The following DYSF variants were observed in gnomAD, a reference collection of about 807,000 sequenced individuals.
The protein encoded by DYSF is dysferlin.
Under a neutral mutation model 274.9 loss-of-function variants are expected in DYSF, and 212 were observed. That is an observed-to-expected ratio of 0.77 (90% CI 0.69 to 0.86). DYSF has a LOEUF of 0.86. DYSF is among the 40% of genes least tolerant of loss of function. The pLI, the probability that DYSF is intolerant of heterozygous loss-of-function variation, is 0.00. For synonymous variants in DYSF, 1,091 were observed against 1,078.7 expected (o/e 1.01, Z -0.22); for missense variants, 2,666 against 2,783.2 (o/e 0.96, Z 0.95).
upstream of DYSF, among the ~76,000 whole-genome samples, chr2:71,465,778 G>C (rs530343454): frequency 6.6e-6 from 1 of 152,302 alleles, no homozygotes; most frequent in South Asian, 2.1e-4. Context: ...GGAGTGCTGG[G>C]GGATAGAAGT....
intron 52 of DYSF, 151 bp from the exon 53 acceptor site, chr2:71,678,906 A>C: frequency 1.4e-6 from 1 of 705,884 alleles, no homozygotes; most frequent in East Asian, 2.7e-5. Context: ...AGGGAGGTGG[A>C]GAGTTCGTGA....
In DYSF at chr2:71,567,956, G is replaced by A. The variant is rs200494473; in HGVS notation, c.2571G>A (p.Pro857=). ...GKLQTIFLKY[P]MEKVPGARMP... ...TGTCCTTCTCTGGTACCCAGTATCCGATGGAGAAGGTGCCTGGCGCCCGGA... is the reference window on the plus strand; with the variant it reads ...TGTCCTTCTCTGGTACCCAGTATCCAATGGAGAAGGTGCCTGGCGCCCGGA... The change falls in exon 25 of 56, where the codon CCG becomes CCA. Residue 857 remains proline, a synonymous_variant. Transcript: ENST00000410020. The A allele has an allele frequency of 1.2e-5, 19 of 1,613,994 alleles. No homozygotes were observed. Among genetic ancestry groups the A allele is most frequent in the African/African-American group, 2.7e-5 (2 of 74,900 alleles).
chr2:71,679,068 C>CTCGA lies in DYSF; in HGVS notation c.5899_5902dup (p.Leu1968ArgfsTer22), dbSNP rs757624364. ...CCTCTCTGTTGCAGGCTCCCTGCAGCTCGATCTCAACCGCATGCCCAAGCC... is the reference window on the plus strand; with the variant it reads ...CCTCTCTGTTGCAGGCTCCCTGCAGCTCGATCGATCTCAACCGCATGCCCAAGCC... On this transcript the variant is annotated frameshift_variant, in exon 53 of 56. Coordinates refer to ENST00000410020, the MANE Select transcript of DYSF (RefSeq NM_001130987.2). LOFTEE classifies it high-confidence loss of function. 1 of 1,613,986 alleles carries CTCGA rather than the reference C, an allele frequency of 6.2e-7. No individual in the cohort carries two copies. The highest frequency in any genetic ancestry group is 2.2e-5 in the East Asian group (1 of 44,874).
chr2:71,478,582 A>G (rs1162416838), intron 1 of DYSF, among the ~76,000 whole-genome samples: 1 of 152,088 alleles, frequency 6.6e-6, no homozygotes, highest in African/African-American at 2.4e-5. Flanking sequence ...CCAAAGAATC[A>G]CAGGAAATAA....
At chr2:71,674,140 A>T (rs1558799647) in intron 51 of DYSF, 57 bp from the exon 52 acceptor site, 10 of 1,532,192 alleles carry the variant, frequency 6.5e-6, no homozygotes, top group Non-Finnish European at 9.0e-6. Flanking sequence ...GGAAGGGAAC[A>T]CTGCCTCTCT....
At chr2:71,666,596 G>T (rs1385377762) in intron 47 of DYSF, among the ~76,000 whole-genome samples, 1 of 152,232 alleles carries the variant, frequency 6.6e-6, no homozygotes, top group Non-Finnish European at 1.5e-5. Flanking sequence ...GGTTGGCCAG[G>T]CTTCTCTGGG....
intron 30 of DYSF, among the ~76,000 whole-genome samples, chr2:71,589,292 A>C (rs1019978757): frequency 8.5e-5 from 13 of 152,104 alleles, no homozygotes; most frequent in African/African-American, 3.1e-4. Context: ...TCCCCTGGAG[A>C]GCCCCTTCGG....
chr2:71,460,070 C>T (rs765376266), intron 1 of DYSF, among the ~76,000 whole-genome samples: 2 of 152,174 alleles, frequency 1.3e-5, no homozygotes, highest in Non-Finnish European at 2.9e-5. Flanking sequence ...TATTTGTAAA[C>T]AAGCCCTAAC....
At chr2:71,502,537 G>C (rs2085083325) in intron 3 of DYSF, among the ~76,000 whole-genome samples, 1 of 152,114 alleles carries the variant, frequency 6.6e-6, no homozygotes, top group Non-Finnish European at 1.5e-5. Context: ...AGCTTCCTCT[G>C]CTCTCTTTGA....
intron 41 of DYSF, among the ~76,000 whole-genome samples, chr2:71,641,006 T>TTTCTAGGAATGA (rs1191815795): frequency 6.6e-6 from 1 of 152,158 alleles, no homozygotes; most frequent in Non-Finnish European, 1.5e-5. Flanking sequence ...GCAATTTTTA[T>TTTCTAGGAATGA]TTTCCTAGAA....
intron 36 of DYSF, among the ~76,000 whole-genome samples, chr2:71,607,510 C>G (rs755789844): frequency 1.2e-4 from 19 of 152,142 alleles, no homozygotes; most frequent in Non-Finnish European, 1.9e-4. Context: ...CAAAGAGTGA[C>G]ATTATTAGAA....
chr2:71,664,575 C>T (rs1348119172), intron 46 of DYSF, 137 bp downstream of exon 46: 29 of 1,007,138 alleles, frequency 2.9e-5, no homozygotes, highest in Non-Finnish European at 4.4e-5. Context: ...TCATTGAGTC[C>T]AATGGGAGTC....
chr2:71,633,112 C>A (rs558917486), intron 41 of DYSF, among the ~76,000 whole-genome samples: 1 of 152,180 alleles, frequency 6.6e-6, no homozygotes. Flanking sequence ...CAGTGTTCCA[C>A]TTGTAGAAAT....
At chr2:71,568,667 C>T (rs2092256996) in intron 26 of DYSF, among the ~76,000 whole-genome samples, 1 of 151,590 alleles carries the variant, frequency 6.6e-6, no homozygotes, top group African/African-American at 2.4e-5. Context: ...CTCAGGTGAT[C>T]CTCCTGCTCC....
chr2:71,570,033 C>T, intron 27 of DYSF, 99 bp downstream of exon 27: 1 of 1,219,646 alleles, frequency 8.2e-7, no homozygotes, highest in Non-Finnish European at 1.2e-6. Flanking sequence ...TTTGCCCCCT[C>T]TTACCTCCGG....
In DYSF at chr2:71,589,597, G is replaced by C; in HGVS notation, c.3407G>C (p.Gly1136Ala). The change falls in exon 31 of 56, where the codon GGC (glycine) becomes GCC (alanine). Residue 1136 changes from glycine (G) to alanine (A), a missense_variant. Transcript: ENST00000410020. ...AVFALEGALG[G>A]VMDDKSEDSM... ...TAACCAGCTTCGTGTCTCCAGGGCG[G>C]CGTGATGGATGACAAGAGTGAAGAT... is the stretch of plus-strand genomic sequence containing the variant. 6.2e-7 allele frequency: 1 copy of C among 1,614,048 alleles called. No homozygotes were observed. Among genetic ancestry groups the C allele is most frequent in the Non-Finnish European group, 8.5e-7 (1 of 1,179,978 alleles).
chr2:71,593,145 T>G (rs897578231), intron 32 of DYSF, among the ~76,000 whole-genome samples: 3 of 149,070 alleles, frequency 2.0e-5, no homozygotes, highest in Non-Finnish European at 4.5e-5. Flanking sequence ...TTTTTTTTTT[T>G]TTTTGAGACA....
intron 40 of DYSF, among the ~76,000 whole-genome samples, chr2:71,619,680 G>A (rs1035885266): frequency 6.6e-6 from 1 of 152,142 alleles, no homozygotes; most frequent in African/African-American, 2.4e-5. Flanking sequence ...TTTCTCGAAC[G>A]GGCTGTGCTT....
chr2:71,562,785 TAGGCAC>T (rs774174499), intron 23 of DYSF, among the ~76,000 whole-genome samples: 17 of 152,100 alleles, frequency 1.1e-4, no homozygotes, highest in Non-Finnish European at 1.6e-4. Flanking sequence ...GCAGGGCCTA[TAGGCAC>T]AGGCTGGTTC....
Sources: allele counts gnomAD v4.1 joint callset (sites outside exome capture counted in the v4.1 genomes callset), GRCh38; gene constraint gnomAD v4.1.1; transcripts MANE v1.5; gene names NCBI Gene and HGNC (gene_info 2026-07-23, HGNC 2026-07-21).